The following HECW2 variants were observed in gnomAD, a reference collection of about 807,000 sequenced individuals.
The protein encoded by HECW2 is HECT, C2 and WW domain containing E3 ubiquitin protein ligase 2, also known as E3 ubiquitin-protein ligase HECW2.
Under a neutral mutation model 175.2 loss-of-function variants are expected in HECW2, and 61 were observed. The ratio of observed to expected loss-of-function variants is 0.35; its 90% confidence interval spans 0.28 to 0.43. HECW2 has a LOEUF of 0.43. HECW2 is among the 20% of genes least tolerant of loss of function. The pLI is 1.00. For synonymous variants in HECW2, 671 were observed against 731.0 expected (o/e 0.92, Z 1.32); for missense variants, 1,524 against 2,000.5 (o/e 0.76, Z 4.54).
At chr2:196,313,756 G>GA (rs1691587048) in intron 10 of HECW2, among the ~76,000 whole-genome samples, 1 of 152,066 alleles carries the variant, frequency 6.6e-6, no homozygotes, top group Non-Finnish European at 1.5e-5. Context: ...TAAAGAGAAA[G>GA]AAAAAAGAAT....
rs144013667 is a variant in HECW2 at position 196,336,314 on chromosome 2, T to C, written c.401-1796A>G. 3.4e-3 allele frequency among the ~76,000 whole-genome samples: 525 copies of C among 152,320 alleles called. 3 individuals are homozygous for C. The highest frequency in any genetic ancestry group is 6.0e-3 in the Non-Finnish European group (407 of 68,030). ...CCCACTTGCTTTTTTCCAAGACGAA[T>C]AGCATGTAGTCTGCAAGAACAAAGC... On this transcript the variant is annotated intron_variant, in intron 3 of 28. Coordinates refer to ENST00000644978, the MANE Select transcript of HECW2 (RefSeq NM_001348768.2).
intron 14 of HECW2, among the ~76,000 whole-genome samples, chr2:196,287,461 A>C (rs952874480): frequency 6.6e-6 from 1 of 152,070 alleles, no homozygotes; most frequent in African/African-American, 2.4e-5. Flanking sequence ...GGGGGAAAAA[A>C]CCCTGGGTTA....
chr2:196,243,771 G>T (rs1427301367), intron 19 of HECW2, among the ~76,000 whole-genome samples: 1 of 151,914 alleles, frequency 6.6e-6, no homozygotes, highest in Non-Finnish European at 1.5e-5. Flanking sequence ...CAGGGACGTG[G>T]TTTCTCCATG....
At chr2:196,209,765 C>CTTT (rs59896485) in intron 28 of HECW2, among the ~76,000 whole-genome samples, 1 of 140,208 alleles carries the variant, frequency 7.1e-6, no homozygotes. Flanking sequence ...TTCTTTCTTT[C>CTTT]TTTTTTTTTT....
intron 1 of HECW2, among the ~76,000 whole-genome samples, chr2:196,523,413 G>A (rs1380435983): frequency 0.015 from 2,246 of 150,372 alleles, 35 homozygotes; most frequent in Middle Eastern, 0.031. Flanking sequence ...CAATCATGCC[G>A]TCTGCAAACA....
At chr2:196,309,885 A>G (rs569289682) in intron 10 of HECW2, among the ~76,000 whole-genome samples, 229 of 152,348 alleles carry the variant, frequency 1.5e-3, no homozygotes, top group Middle Eastern at 3.4e-3. Context: ...GTTATGGCAG[A>G]AAAGAAAACA....
chr2:196,248,540 G>A (rs13405379), intron 19 of HECW2, among the ~76,000 whole-genome samples: 1 of 151,466 alleles, frequency 6.6e-6, no homozygotes, highest in Non-Finnish European at 1.5e-5. Context: ...CTACTTCAGG[G>A]ACTGTAGGAA....
At chr2:196,264,166 C>T (rs1457600196) in intron 17 of HECW2, 1 of 152,104 alleles carries the variant, frequency 6.6e-6, no homozygotes, top group Non-Finnish European at 1.5e-5. Context: ...AAGTAAAAAG[C>T]AGATTTTATT....
At chr2:196,571,798 T>C (rs2125515247) in intron 1 of HECW2, among the ~76,000 whole-genome samples, 1 of 152,230 alleles carries the variant, frequency 6.6e-6, no homozygotes, top group Non-Finnish European at 1.5e-5. Flanking sequence ...CCCAAAAGAA[T>C]TGAAAGCAAG....
intron 1 of HECW2, 32 bp from the exon 2 acceptor site, chr2:196,433,490 T>A: frequency 2.0e-6 from 3 of 1,492,192 alleles, no homozygotes; most frequent in Non-Finnish European, 2.7e-6. Context: ...AAAACATTAG[T>A]GCTACAATAC....
intron 1 of HECW2, among the ~76,000 whole-genome samples, chr2:196,540,318 T>C: frequency 6.6e-6 from 1 of 152,218 alleles, no homozygotes; most frequent in East Asian, 1.9e-4. Context: ...TAATGACTTA[T>C]CAATCTTTAA....
At chr2:196,443,651 C>T (rs1187167867) in intron 1 of HECW2, among the ~76,000 whole-genome samples, 1 of 152,172 alleles carries the variant, frequency 6.6e-6, no homozygotes, top group Non-Finnish European at 1.5e-5. Context: ...AAGTCATAGT[C>T]TATTCAAGTG....
chr2:196,541,747 C>A (rs1188622879), intron 1 of HECW2, among the ~76,000 whole-genome samples: 2 of 150,164 alleles, frequency 1.3e-5, no homozygotes, highest in African/African-American at 4.9e-5. Context: ...TTTTTTGTTG[C>A]TTTCATTCCA....
At chr2:196,292,415 A>C (rs951052136) in intron 14 of HECW2, 150 bp downstream of exon 14, 2 of 652,554 alleles carry the variant, frequency 3.1e-6, no homozygotes, top group African/African-American at 1.8e-5. Context: ...GGTCACAAAC[A>C]ACCTGCTGTC....
intron 18 of HECW2, 87 bp from the exon 19 acceptor site, chr2:196,254,116 A>G (rs1688960184): frequency 1.3e-6 from 2 of 1,538,338 alleles, no homozygotes; most frequent in Admixed American, 1.9e-5. Context: ...TATTCCATCC[A>G]AGATCCGGTT....
intron 19 of HECW2, among the ~76,000 whole-genome samples, chr2:196,248,809 A>G (rs1374455409): frequency 2.0e-5 from 3 of 152,152 alleles, no homozygotes; most frequent in African/African-American, 7.2e-5. Flanking sequence ...TGGTGGGAGA[A>G]ATAATTCCCT....
chr2:196,416,295 A>G (rs1380836929), intron 2 of HECW2, among the ~76,000 whole-genome samples: 1 of 152,210 alleles, frequency 6.6e-6, no homozygotes, highest in Non-Finnish European at 1.5e-5. Flanking sequence ...AGCCCTGTGG[A>G]TTTAAAATCC....
intron 21 of HECW2, among the ~76,000 whole-genome samples, chr2:196,235,686 C>T (rs866017156): frequency 2.6e-5 from 3 of 116,250 alleles, no homozygotes; most frequent in African/African-American, 3.4e-5. Context: ...GATGGAGTCT[C>T]GCTCTGTCGC....
intron 10 of HECW2, among the ~76,000 whole-genome samples, chr2:196,314,832 A>T (rs1175481285): frequency 1.3e-5 from 2 of 152,238 alleles, no homozygotes; most frequent in African/African-American, 4.8e-5. Flanking sequence ...CGATCCAGCC[A>T]GACACCCCAA....
Sources: allele counts gnomAD v4.1 joint callset (sites outside exome capture counted in the v4.1 genomes callset), GRCh38; gene constraint gnomAD v4.1.1; transcripts MANE v1.5; gene names NCBI Gene and HGNC (gene_info 2026-07-23, HGNC 2026-07-21).